The following SEMA6A variants were observed in gnomAD, a reference collection of about 807,000 sequenced individuals.
The protein encoded by SEMA6A is semaphorin 6A, also known as semaphorin-6A.
In SEMA6A, 25 loss-of-function variants were observed where a neutral mutation model predicts 96.8. That is an observed-to-expected ratio of 0.26 (90% CI 0.19 to 0.36). SEMA6A has a LOEUF of 0.36. Among genes scored for constraint, SEMA6A ranks in the 10% least tolerant of loss-of-function variants. SEMA6A has a pLI of 1.00. For missense variants in SEMA6A, 1,363 were observed against 1,323.1 expected, an observed-to-expected ratio of 1.03 and a Z score of -0.47; for synonymous variants, 612 against 518.0, an observed-to-expected ratio of 1.18 and a Z score of -2.46.
At chr5:116,545,210 G>T (rs1362278997) in intron 1 of SEMA6A, among the ~76,000 whole-genome samples, 1 of 152,168 alleles carries the variant, frequency 6.6e-6, no homozygotes, top group African/African-American at 2.4e-5. Context: ...AGCTTAGATT[G>T]TGCGGTCTGG....
chr5:116,512,055 G>A (rs1316024841), intron 1 of SEMA6A, among the ~76,000 whole-genome samples: 2 of 152,160 alleles, frequency 1.3e-5, no homozygotes, highest in African/African-American at 4.8e-5. Context: ...TTGCACCAGA[G>A]GAAAATTTAA....
Position 116,512,063 on chromosome 5 carries a change from T to C in SEMA6A, c.-38-7081A>G, listed in dbSNP as rs373300963. The stretch of plus-strand genomic sequence containing the variant: ...ATCATTCTTGCACCAGAGGAAAATT[T>C]AAAGAAGTAATGAGTGTTTAAATAG... On this transcript the variant is annotated intron_variant, in intron 1 of 18. Transcript: ENST00000343348. Among the ~76,000 whole-genome samples, 10 of 152,284 alleles carry C rather than the reference T, an allele frequency of 6.6e-5. No homozygotes were observed. In the South Asian group the frequency reaches 2.1e-3, roughly 32 times the overall value.
At chr5:116,472,230 C>T (rs912568863) in intron 17 of SEMA6A, 3 of 152,152 alleles carry the variant, frequency 2.0e-5, no homozygotes, top group African/African-American at 7.2e-5. Context: ...TGTTTATGGG[C>T]TTAGTAGCTT....
At chr5:116,525,770 A>G (rs1759194892) in intron 1 of SEMA6A, among the ~76,000 whole-genome samples, 1 of 152,258 alleles carries the variant, frequency 6.6e-6, no homozygotes, top group South Asian at 2.1e-4. Flanking sequence ...GTAAGTCATT[A>G]TCTACTTGGC....
chr5:116,570,198 C>T (rs746460516), intron 1 of SEMA6A, among the ~76,000 whole-genome samples: 4 of 152,192 alleles, frequency 2.6e-5, no homozygotes, highest in African/African-American at 4.8e-5. Context: ...CTCTATCTTA[C>T]CATATCCCCA....
chr5:116,459,669 T>G (rs946557237), intron 18 of SEMA6A, among the ~76,000 whole-genome samples: 26 of 152,144 alleles, frequency 1.7e-4, no homozygotes, highest in African/African-American at 5.8e-4. Context: ...CTTTGAAAGG[T>G]CTTTCCTGTG....
rs1004351790 is a variant in SEMA6A, at chr5:116,447,163, G to A, written c.2543C>T (p.Ala848Val). 1.2e-6 allele frequency: 2 copies of A among 1,613,902 alleles called. No individual in the cohort carries two copies. The highest frequency in any genetic ancestry group is 3.3e-5 in the Admixed American group (2 of 60,014). The change falls in exon 19 of 19, where the codon GCC becomes GTC. Residue 848 changes from alanine (A) to valine (V), a missense_variant. Ala to Val is a moderately conservative substitution (Grantham distance 64, BLOSUM62 0). This residue lies in a region of SEMA6A where 883 missense variants were observed against 763.6 expected (regional missense o/e 1.16). Transcript: ENST00000343348. The stretch of plus-strand genomic sequence containing the variant: ...CTTGATGGTCTTATACTCCAGTGTG[G>A]CGGCCTGGTCCTCCAGCGCCATCTG... ...VAQMALEDQA[A>V]TLEYKTIKEH...
intron 16 of SEMA6A, among the ~76,000 whole-genome samples, chr5:116,473,305 C>T (rs897662948): frequency 6.6e-6 from 1 of 152,232 alleles, no homozygotes; most frequent in Non-Finnish European, 1.5e-5. Flanking sequence ...GAATTTCCTC[C>T]AAGTCACTGC....
chr5:116,562,755 G>A lies in SEMA6A; in HGVS notation c.-39+11430C>T, dbSNP rs552288025. 1,328 of 733,540 alleles carry A rather than the reference G, an allele frequency of 1.8e-3. 22 individuals carry two copies. The highest frequency in any genetic ancestry group is 0.015 in the South Asian group (1,088 of 74,170). 45.4% of individuals were successfully genotyped at this position (733,540 alleles called of 1,614,324 possible). On this transcript the variant is annotated intron_variant, in intron 1 of 18. Transcript: ENST00000343348. ...GGTGGGATGAAGGTGAAGGCAGACC[G>A]AGATGAATCTTTGCCATATGCTGCT... is the stretch of plus-strand genomic sequence containing the variant.
chr5:116,502,487 T>G, intron 2 of SEMA6A, 160 bp from the exon 3 acceptor site: 1 of 610,432 alleles, frequency 1.6e-6, no homozygotes, highest in Non-Finnish European at 2.9e-6. Context: ...TTAGGAAATA[T>G]GATAGAAGAG....
At chr5:116,507,059 G>A (rs750774970) in intron 1 of SEMA6A, among the ~76,000 whole-genome samples, 1 of 152,172 alleles carries the variant, frequency 6.6e-6, no homozygotes, top group Non-Finnish European at 1.5e-5. Flanking sequence ...AGCAATGCAT[G>A]CAGAAGAAAT....
rs763656151 is a variant in SEMA6A, at chr5:116,480,243, T to C, written c.1129A>G (p.Arg377Gly). ...GCCAGSSSLE[R>G]YATSNEFPDD... ...GGGAACTCATTGGAGGTTGCATATC[T>C]TTCTAAGGAGGATGAGCCAGCACAG... The change falls in exon 12 of 19, where the codon AGA becomes GGA. Residue 377 changes from arginine to glycine, a missense_variant. Physicochemically the swap from Arg to Gly is moderately radical, Grantham distance 125. This residue lies in a region of SEMA6A where 480 missense variants were observed against 559.5 expected (regional missense o/e 0.86). Coordinates refer to ENST00000343348, the MANE Select transcript of SEMA6A (RefSeq NM_020796.5). 1.2e-6 allele frequency: 2 copies of C among 1,613,814 alleles called. No individual in the cohort carries two copies. The highest frequency in any genetic ancestry group is 8.5e-7 in the Non-Finnish European group (1 of 1,179,770).
chr5:116,539,618 T>TGTGTGTGG (rs748442933), intron 1 of SEMA6A, among the ~76,000 whole-genome samples: 83 of 151,726 alleles, frequency 5.5e-4, no homozygotes, highest in Middle Eastern at 6.8e-3. Flanking sequence ...TGTGTGTGTG[T>TGTGTGTGG]ACTTTCTTTA....
intron 3 of SEMA6A, among the ~76,000 whole-genome samples, chr5:116,501,162 A>G (rs919876576): frequency 6.6e-6 from 1 of 152,222 alleles, no homozygotes; most frequent in Non-Finnish European, 1.5e-5. Flanking sequence ...CCCAAAATGG[A>G]GGATCATATA....
At position 116,447,105 on chromosome 5, in the gene SEMA6A, C is replaced by T. The variant is rs1472890543; in HGVS notation, c.2601G>A (p.Gly867=). 2 of 1,613,770 alleles carry T rather than the reference C, an allele frequency of 1.2e-6. No individual in the cohort carries two copies. The highest frequency in any genetic ancestry group is 1.3e-5 in the African/African-American group (1 of 74,896). ...TGTCCAGGTTCTCCACAAGGTTCAC[C>T]CCATGGTTGGGACTCTTGCTGCTGA... The part of the protein sequence containing the change: ...EHLSSKSPNH[G]VNLVENLDSL... The change falls in exon 19 of 19, where the codon GGG becomes GGA. Residue 867 remains glycine, a synonymous_variant. Transcript: ENST00000343348.
intron 1 of SEMA6A, among the ~76,000 whole-genome samples, chr5:116,522,319 G>A (rs1254396388): frequency 4.6e-5 from 7 of 152,120 alleles, no homozygotes; most frequent in African/African-American, 1.7e-4. Flanking sequence ...CAAACCTAGA[G>A]CTTAGACCTA....
At chr5:116,543,662 C>G (rs17526775) in intron 1 of SEMA6A, among the ~76,000 whole-genome samples, 3,644 of 152,260 alleles carry the variant, frequency 0.024, 55 homozygotes, top group Non-Finnish European at 0.039. Context: ...GTTGCATGAC[C>G]CTTCAGGGCT....
At position 116,547,241 on chromosome 5, in the gene SEMA6A, A is replaced by G. The variant is rs560225797; in HGVS notation, c.-39+26944T>C. ...ATGCATACAAGTGTCCTGAAGAGGT[A>G]TAGCATTGATGTTGCTGAAATATCT... On this transcript the variant is annotated intron_variant, in intron 1 of 18. Coordinates refer to ENST00000343348, the MANE Select transcript of SEMA6A (RefSeq NM_020796.5). Among the ~76,000 whole-genome samples the G allele has an allele frequency of 1.7e-4, 26 of 152,358 alleles. 1 individual carries two copies. In the South Asian group the frequency reaches 5.4e-3, roughly 32 times the overall value.
At chr5:116,453,488 T>C (rs549847281) in intron 18 of SEMA6A, among the ~76,000 whole-genome samples, 5 of 152,284 alleles carry the variant, frequency 3.3e-5, no homozygotes, top group African/African-American at 1.2e-4. Flanking sequence ...TTTAAATAAA[T>C]AGTAAAGGAA....
Sources: gnomAD v4.1 joint callset for allele counts (sites outside exome capture counted in the v4.1 genomes callset) on GRCh38, gnomAD v4.1.1 for gene constraint, gnomAD v4.1.1 regional missense constraint, MANE v1.5 for transcripts, NCBI Gene and HGNC (gene_info 2026-07-23, HGNC 2026-07-21) for gene names.